Variants in GPM6B observed in about 807,000 individuals in gnomAD.
GPM6B encodes the protein neuronal membrane glycoprotein M6-b.
GPM6B carries 4 observed loss-of-function variants against 27.2 expected under a neutral mutation model. The observed-to-expected ratio is 0.15, with a 90% CI of 0.07 to 0.34. The LOEUF (loss-of-function observed/expected upper bound fraction) is 0.34, where lower values mean the gene tolerates loss of function less well. Among genes scored for constraint, GPM6B ranks in the 10% least tolerant of loss-of-function variants. The pLI, the probability that GPM6B is intolerant of heterozygous loss-of-function variation, is 1.00. For synonymous variants in GPM6B, 124 were observed against 103.1 expected (o/e 1.20, Z -1.23); for missense variants, 183 against 261.9 (o/e 0.70, Z 2.08).
intron 1 of GPM6B, among the ~76,000 whole-genome samples, chrX:13,911,434 T>C (rs1480377386): frequency 8.9e-6 from 1 of 112,292 alleles, no homozygotes; most frequent in Non-Finnish European, 1.9e-5. Context: ...GGAAATATAC[T>C]GTATTTTGTC....
intron 1 of GPM6B, among the ~76,000 whole-genome samples, chrX:13,852,901 C>T (rs1450146577): frequency 1.8e-5 from 2 of 109,575 alleles, no homozygotes. Context: ...CCGCCTCAGC[C>T]TCCCAAGTAG....
At chrX:13,799,051 G>A (rs953046850) in intron 2 of GPM6B, among the ~76,000 whole-genome samples, 1 of 111,313 alleles carries the variant, frequency 9.0e-6, no homozygotes, top group South Asian at 3.8e-4. Context: ...TGTGGCTTCG[G>A]AATTTTAAAA....
chrX:13,879,586 T>A (rs1210765503), intron 1 of GPM6B, among the ~76,000 whole-genome samples: 1 of 112,253 alleles, frequency 8.9e-6, no homozygotes, highest in Non-Finnish European at 1.9e-5. Context: ...AAATAAAACA[T>A]GAATAGCTTC....
chrX:13,922,772 T>C (rs1481308902), intron 1 of GPM6B, among the ~76,000 whole-genome samples: 1 of 112,508 alleles, frequency 8.9e-6, no homozygotes, highest in Non-Finnish European at 1.9e-5. Flanking sequence ...CAATTTTAAA[T>C]TCTAGAGTTT....
At chrX:13,862,153 A>T (rs971675109) in intron 1 of GPM6B, among the ~76,000 whole-genome samples, 7 of 111,421 alleles carry the variant, frequency 6.3e-5, no homozygotes, top group Non-Finnish European at 1.1e-4. Flanking sequence ...TATTAAGTGG[A>T]TCTTGGTCTT....
chrX:13,789,023 G>C (rs2048663475), intron 2 of GPM6B, among the ~76,000 whole-genome samples: 1 of 111,767 alleles, frequency 8.9e-6, no homozygotes, highest in Admixed American at 9.5e-5. Flanking sequence ...CTATAGAACA[G>C]AAATCACCAT....
intron 1 of GPM6B, among the ~76,000 whole-genome samples, chrX:13,872,759 G>A (rs765023716): frequency 3.6e-5 from 4 of 111,344 alleles, no homozygotes; most frequent in African/African-American, 1.3e-4. Context: ...CAAGGAGTCA[G>A]AAGTGAAAAG....
chrX:13,797,648 C>T (rs946299176), intron 2 of GPM6B, among the ~76,000 whole-genome samples: 11 of 110,769 alleles, frequency 9.9e-5, no homozygotes, highest in African/African-American at 3.3e-4. Context: ...TGTGAGCAGG[C>T]GAGGCGTGAC....
At chrX:13,934,312 C>T (rs755712636) in intron 1 of GPM6B, among the ~76,000 whole-genome samples, 2 of 111,181 alleles carry the variant, frequency 1.8e-5, no homozygotes, top group African/African-American at 6.5e-5. Flanking sequence ...TCACTTCCTG[C>T]CCAGTTATTC....
chrX:13,930,613 CAA>C (rs143684071), intron 1 of GPM6B, among the ~76,000 whole-genome samples: 3 of 78,682 alleles, frequency 3.8e-5, no homozygotes. Context: ...GACTCCGTCT[CAA>C]AAAAAAAAAA....
chrX:13,856,284 A>G lies in GPM6B; in HGVS notation c.-197-70476T>C, dbSNP rs1475915851. Among the ~76,000 whole-genome samples, 9 of 111,900 alleles carry G rather than the reference A, an allele frequency of 8.0e-5. No homozygotes were observed. In the East Asian group the frequency reaches 1.7e-3, roughly 21 times the overall value. ...AACCAAAGAGTCCCAACAGGATACA[A>G]TATTTTAGTAATGATGACCAAAGGC... On this transcript the variant is annotated intron_variant, in intron 1 of 6. Coordinates refer to the GPM6B transcript ENST00000398361.
intron 1 of GPM6B, among the ~76,000 whole-genome samples, chrX:13,920,516 A>G (rs2147067493): frequency 9.0e-6 from 1 of 111,072 alleles, no homozygotes; most frequent in African/African-American, 3.3e-5. Flanking sequence ...AAAGCCAGGG[A>G]AACACGATAC....
intron 1 of GPM6B, among the ~76,000 whole-genome samples, chrX:13,890,844 C>T (rs1223987822): frequency 2.7e-5 from 3 of 111,316 alleles, no homozygotes; most frequent in African/African-American, 9.8e-5. Flanking sequence ...GACCTAGGAC[C>T]AAAAAGAAGA....
intron 1 of GPM6B, among the ~76,000 whole-genome samples, chrX:13,897,990 G>C (rs2050248466): frequency 8.9e-6 from 1 of 112,249 alleles, no homozygotes; most frequent in African/African-American, 3.2e-5. Flanking sequence ...ATATCAGTTA[G>C]AGTAATCTAT....
intron 2 of GPM6B, among the ~76,000 whole-genome samples, chrX:13,803,481 C>G (rs186399445): frequency 8.9e-6 from 1 of 111,824 alleles, no homozygotes; most frequent in Non-Finnish European, 1.9e-5. Context: ...TTATCTGTGG[C>G]CATTTTAACT....
At chrX:13,876,217 C>A (rs2050031542) in intron 1 of GPM6B, among the ~76,000 whole-genome samples, 1 of 111,625 alleles carries the variant, frequency 9.0e-6, no homozygotes, top group African/African-American at 3.3e-5. Flanking sequence ...AAGGAGGACA[C>A]CATAACCAAC....
chrX:13,812,126 TGCAACCTCC>T lies in GPM6B; in HGVS notation c.62-4366_62-4358del, dbSNP rs758480864. Among the ~76,000 whole-genome samples the T allele has an allele frequency of 2.4e-4, 24 of 99,518 alleles. No individual in the cohort carries two copies. The East Asian group carries it at 7.7e-3, about 32-fold the overall frequency. 86.4% of individuals were successfully genotyped at this position (99,518 alleles called of 115,157 possible). A position where few individuals can be genotyped will look rare whatever the true frequency, so the allele number is the denominator to read the frequency against. ...GTGCAGCGGCACTATCTCGGCTCAC[TGCAACCTCC>T]GCCTCTCGGGTTCACGCCATTCTCC... On this transcript the variant is annotated intron_variant, in intron 1 of 7. Transcript: ENST00000316715.
chrX:13,790,305 C>G (rs1399527495), intron 2 of GPM6B, among the ~76,000 whole-genome samples: 1 of 112,228 alleles, frequency 8.9e-6, no homozygotes, highest in Non-Finnish European at 1.9e-5. Flanking sequence ...TATCAGAGGT[C>G]AAGAAAAGAT....
intron 1 of GPM6B, among the ~76,000 whole-genome samples, chrX:13,865,541 TC>T (rs368537469): frequency 0.012 from 36 of 3,103 alleles, 1 homozygote; most frequent in African/African-American, 0.024. Context: ...ATCCATCTCT[TC>T]AAAAAAAAAA....
Sources: allele counts gnomAD v4.1 joint callset (sites outside exome capture counted in the v4.1 genomes callset), GRCh38; gene constraint gnomAD v4.1.1; transcripts MANE v1.5; gene names NCBI Gene and HGNC (gene_info 2026-07-23, HGNC 2026-07-21).